The following ZNG1B variants were observed in gnomAD, a reference collection of about 807,000 sequenced individuals.
ZNG1B encodes the protein Zn regulated GTPase metalloprotein activator 1B.
chr2:113,448,070 T>C, the ZNG1B span, among the ~76,000 whole-genome samples: 18 of 152,352 alleles, frequency 1.2e-4, no homozygotes, highest in South Asian at 3.7e-3. Context: ...GTTTTCAATT[T>C]AGTTTGCCCA....
chr2:113,474,589 A>G, the ZNG1B span, among the ~76,000 whole-genome samples: 1 of 142,046 alleles, frequency 7.0e-6, no homozygotes, highest in Non-Finnish European at 1.5e-5. Flanking sequence ...TTAGGTTGTC[A>G]ATTTTGGATC....
chr2:113,466,564 A>G, the ZNG1B span: 1 of 985,184 alleles, frequency 1.0e-6, no homozygotes, highest in Non-Finnish European at 1.2e-6. Flanking sequence ...TGAATTCTTC[A>G]GTGTATGGTG....
the ZNG1B span, chr2:113,494,632 C>T: frequency 5.5e-6 from 5 of 908,672 alleles, no homozygotes; most frequent in Non-Finnish European, 6.5e-6. Flanking sequence ...ACACAATGAG[C>T]TCATATTCAG....
At chr2:113,483,236 C>T in the ZNG1B span, among the ~76,000 whole-genome samples, 2 of 150,910 alleles carry the variant, frequency 1.3e-5, no homozygotes, top group Non-Finnish European at 3.0e-5. Flanking sequence ...ATGAAGCAAA[C>T]GCAGCGCTCA....
At chr2:113,460,494 A>G in the ZNG1B span, among the ~76,000 whole-genome samples, 1 of 152,120 alleles carries the variant, frequency 6.6e-6, no homozygotes, top group Non-Finnish European at 1.5e-5. Flanking sequence ...AAAAATTGCA[A>G]ATGGGGAAGA....
chr2:113,448,017 A>G, the ZNG1B span, among the ~76,000 whole-genome samples: 3 of 152,212 alleles, frequency 2.0e-5, no homozygotes, highest in Admixed American at 6.5e-5. Context: ...ATGAATCACA[A>G]ATGTTCTTAA....
the ZNG1B span, among the ~76,000 whole-genome samples, chr2:113,443,119 C>G: frequency 1.3e-5 from 2 of 152,028 alleles, no homozygotes; most frequent in African/African-American, 4.8e-5. Flanking sequence ...CAGGCGCCCG[C>G]TACCACACCT....
the ZNG1B span, among the ~76,000 whole-genome samples, chr2:113,485,117 A>T: frequency 6.9e-6 from 1 of 145,192 alleles, no homozygotes; most frequent in Non-Finnish European, 1.5e-5. Context: ...AGAAGGGGTA[A>T]GTGCTATTCT....
At chr2:113,485,658 C>T in the ZNG1B span, among the ~76,000 whole-genome samples, 1 of 147,840 alleles carries the variant, frequency 6.8e-6, no homozygotes, top group Non-Finnish European at 1.5e-5. Flanking sequence ...TCCCTGGTGG[C>T]CAGATATTAT....
At chr2:113,455,251 T>C in the ZNG1B span, among the ~76,000 whole-genome samples, 32,784 of 150,986 alleles carry the variant, frequency 0.22, 3,665 homozygotes, top group East Asian at 0.52. Flanking sequence ...CGTTTACCTA[T>C]GTAACAAACC....
chr2:113,447,244 T>C, the ZNG1B span, among the ~76,000 whole-genome samples: 2 of 90,892 alleles, frequency 2.2e-5, no homozygotes, highest in East Asian at 2.9e-4. Context: ...ATTGCACCAC[T>C]GCACTCCAGC....
chr2:113,442,125 ATTAG>A, the ZNG1B span, among the ~76,000 whole-genome samples: 1 of 152,170 alleles, frequency 6.6e-6, no homozygotes, highest in African/African-American at 2.4e-5. Flanking sequence ...TGCTTCTGTT[ATTAG>A]TTAACTTTGT....
chr2:113,494,969 C>T, the ZNG1B span: 1 of 871,746 alleles, frequency 1.1e-6, no homozygotes, highest in Non-Finnish European at 1.5e-6. Context: ...TTGTAATTCA[C>T]AAATAATTGG....
At chr2:113,473,984 G>T in the ZNG1B span, among the ~76,000 whole-genome samples, 1 of 150,524 alleles carries the variant, frequency 6.6e-6, no homozygotes, top group Non-Finnish European at 1.5e-5. Flanking sequence ...TTTGGTATCA[G>T]GATGATGCTG....
At chr2:113,462,511 G>A in the ZNG1B span, 1 of 1,588,566 alleles carries the variant, frequency 6.3e-7, no homozygotes, top group African/African-American at 1.3e-5. Context: ...AATGATAAGT[G>A]TGTTAAGTGC....
chr2:113,484,036 G>A, the ZNG1B span, among the ~76,000 whole-genome samples: 13 of 136,580 alleles, frequency 9.5e-5, no homozygotes, highest in Non-Finnish European at 1.9e-4. Context: ...TGTAAGGGAG[G>A]AAATTTATCT....
chr2:113,462,919 T>A, the ZNG1B span: 55 of 167,082 alleles, frequency 3.3e-4, no homozygotes, highest in East Asian at 1.7e-3. Context: ...TTTTTTTTTT[T>A]AATTTATTCT....
chr2:113,445,043 T>C, the ZNG1B span: 4 of 1,610,336 alleles, frequency 2.5e-6, no homozygotes, highest in Non-Finnish European at 3.4e-6. Context: ...GACCACTGGA[T>C]TGGCAGACCC....
At chr2:113,456,295 T>C in the ZNG1B span, among the ~76,000 whole-genome samples, 3 of 152,186 alleles carry the variant, frequency 2.0e-5, no homozygotes. Flanking sequence ...CAATGACTGT[T>C]GAAAATCATA....
Sources: allele counts gnomAD v4.1 joint callset (sites outside exome capture counted in the v4.1 genomes callset), GRCh38; gene constraint gnomAD v4.1.1; transcripts MANE v1.5; gene names NCBI Gene and HGNC (gene_info 2026-07-23, HGNC 2026-07-21).